GRIN3A: variants seen among roughly 807,000 people sequenced by gnomAD.
GRIN3A encodes the protein glutamate receptor ionotropic, NMDA 3A.
A neutral mutation model predicts 92.4 loss-of-function variants in GRIN3A; 47 were observed. The observed-to-expected ratio is 0.51, with a 90% CI of 0.40 to 0.65. GRIN3A has a LOEUF of 0.65. Among genes scored for constraint, GRIN3A ranks in the 30% least tolerant of loss-of-function variants. The probability of loss-of-function intolerance (pLI) is 0.00; values close to 1 mark genes in which losing one functional copy is unlikely to be tolerated. For synonymous variants in GRIN3A, 527 were observed against 540.6 expected (o/e 0.97, Z 0.35); for missense variants, 1,324 against 1,393.1 (o/e 0.95, Z 0.79).
intron 3 of GRIN3A, among the ~76,000 whole-genome samples, chr9:101,659,046 G>A (rs1829133308): frequency 6.6e-6 from 1 of 151,730 alleles, no homozygotes; most frequent in Non-Finnish European, 1.5e-5. Context: ...GCTAAAATAC[G>A]TATATTTTAG....
intron 1 of GRIN3A, among the ~76,000 whole-genome samples, chr9:101,689,187 T>A (rs1829579831): frequency 6.6e-6 from 1 of 152,206 alleles, no homozygotes; most frequent in Non-Finnish European, 1.5e-5. Context: ...AAGCTCCACA[T>A]TTAGCTAGCA....
At chr9:101,709,241 A>G (rs1829847869) in intron 1 of GRIN3A, among the ~76,000 whole-genome samples, 1 of 152,234 alleles carries the variant, frequency 6.6e-6, no homozygotes, top group African/African-American at 2.4e-5. Flanking sequence ...GAAAATTCAA[A>G]TGACCTTTTC....
chr9:101,726,725 T>C lies in GRIN3A; in HGVS notation c.699+10556A>G, dbSNP rs529114323. On this transcript the variant is annotated intron_variant, in intron 1 of 8. Transcript: ENST00000361820. ...ATTTTTAAAATTTATGTTTTTAAAATTTATTTATTTTAAATTTAAATTTAA... is the reference window on the plus strand; with the variant it reads ...ATTTTTAAAATTTATGTTTTTAAAACTTATTTATTTTAAATTTAAATTTAA... 5.3e-5 allele frequency among the ~76,000 whole-genome samples: 8 copies of C among 150,890 alleles called. No individual in the cohort carries two copies. The East Asian group carries it at 1.5e-3, about 29-fold the overall frequency.
chr9:101,607,574 C>T (rs373046366), intron 6 of GRIN3A, among the ~76,000 whole-genome samples: 1 of 152,106 alleles, frequency 6.6e-6, no homozygotes, highest in Non-Finnish European at 1.5e-5. Context: ...GGAGGAGGGC[C>T]GTGTGTATGA....
chr9:101,610,254 G>A (rs1268706669), intron 6 of GRIN3A, among the ~76,000 whole-genome samples: 2 of 152,130 alleles, frequency 1.3e-5, no homozygotes, highest in South Asian at 4.1e-4. Context: ...TACGCTCTGG[G>A]TACAGTTTCT....
chr9:101,582,307 C>T (rs1827897804), intron 6 of GRIN3A, among the ~76,000 whole-genome samples: 1 of 152,278 alleles, frequency 6.6e-6, no homozygotes, highest in African/African-American at 2.4e-5. Context: ...CCCTCCATGC[C>T]AGTACTGCAG....
chr9:101,726,337 C>T (rs1830082518), intron 1 of GRIN3A, among the ~76,000 whole-genome samples: 1 of 152,162 alleles, frequency 6.6e-6, no homozygotes, highest in African/African-American at 2.4e-5. Flanking sequence ...CAGCTGGTAT[C>T]CCGAGAGGAG....
intron 3 of GRIN3A, 59 bp downstream of exon 3, chr9:101,670,001 A>G (rs1829295297): frequency 1.6e-6 from 2 of 1,257,956 alleles, no homozygotes; most frequent in Non-Finnish European, 2.3e-6. Context: ...ACAGCAGAAG[A>G]TACAACATAC....
intron 1 of GRIN3A, among the ~76,000 whole-genome samples, chr9:101,702,521 C>T (rs924751603): frequency 2.0e-5 from 3 of 152,136 alleles, no homozygotes; most frequent in Non-Finnish European, 4.4e-5. Context: ...GTCTCATAGG[C>T]CTTGTTTTCT....
intron 1 of GRIN3A, among the ~76,000 whole-genome samples, chr9:101,710,126 T>A (rs1829860816): frequency 6.6e-6 from 1 of 152,086 alleles, no homozygotes; most frequent in African/African-American, 2.4e-5. Context: ...ATGGACAGTA[T>A]CAGTTCAGTC....
intron 3 of GRIN3A, among the ~76,000 whole-genome samples, chr9:101,632,168 AC>A (rs1423892461): frequency 2.0e-5 from 3 of 152,182 alleles, no homozygotes; most frequent in African/African-American, 7.2e-5. Context: ...GGCCTGGGAC[AC>A]TTTTTCCTCA....
intron 6 of GRIN3A, among the ~76,000 whole-genome samples, chr9:101,589,516 T>A (rs1443531524): frequency 2.0e-5 from 3 of 152,222 alleles, no homozygotes; most frequent in African/African-American, 7.2e-5. Flanking sequence ...ATTTATTGAA[T>A]TAGCAAGCCT....
intron 3 of GRIN3A, among the ~76,000 whole-genome samples, chr9:101,642,930 G>C (rs1461406691): frequency 6.6e-6 from 1 of 152,036 alleles, no homozygotes; most frequent in African/African-American, 2.4e-5. Context: ...TAAGCTCAGG[G>C]CTCCCACTGA....
chr9:101,593,460 A>C (rs1224719725), intron 6 of GRIN3A: 1 of 152,238 alleles, frequency 6.6e-6, no homozygotes, highest in Non-Finnish European at 1.5e-5. Context: ...ATCTGTGAGC[A>C]ACAGACATAA....
chr9:101,644,554 G>T (rs1394745107), intron 3 of GRIN3A, among the ~76,000 whole-genome samples: 1 of 150,998 alleles, frequency 6.6e-6, no homozygotes, highest in Non-Finnish European at 1.5e-5. Flanking sequence ...TTGTATCAAT[G>T]TTTGAACTGT....
chr9:101,592,960 T>C (rs940118421), intron 6 of GRIN3A: 2 of 152,346 alleles, frequency 1.3e-5, no homozygotes, highest in Non-Finnish European at 2.9e-5. Flanking sequence ...AGTGGTTCTC[T>C]GTGAGAAAGA....
At chr9:101,574,140 C>T (rs933957926) in intron 8 of GRIN3A, among the ~76,000 whole-genome samples, 5 of 152,116 alleles carry the variant, frequency 3.3e-5, no homozygotes, top group African/African-American at 9.7e-5. Flanking sequence ...AGAAAGCCCT[C>T]AGTTTCTTGC....
At chr9:101,597,012 G>A (rs1434150183) in intron 6 of GRIN3A, among the ~76,000 whole-genome samples, 1 of 152,226 alleles carries the variant, frequency 6.6e-6, no homozygotes, top group Non-Finnish European at 1.5e-5. Context: ...GGCCCTGCAA[G>A]GAGTTGGGCC....
At chr9:101,693,868 C>G (rs988560685) in intron 1 of GRIN3A, among the ~76,000 whole-genome samples, 1 of 152,174 alleles carries the variant, frequency 6.6e-6, no homozygotes, top group Admixed American at 6.5e-5. Context: ...TTTGGAAAAG[C>G]TCACCTAAAG....
Sources: gnomAD v4.1 joint callset for allele counts (sites outside exome capture counted in the v4.1 genomes callset) on GRCh38, gnomAD v4.1.1 for gene constraint, MANE v1.5 for transcripts, NCBI Gene and HGNC (gene_info 2026-07-23, HGNC 2026-07-21) for gene names.